GREB1L: variants seen among roughly 807,000 people sequenced by gnomAD.
The protein encoded by GREB1L is GREB1 like retinoic acid receptor coactivator, also known as GREB1-like protein.
Under a neutral mutation model 200.8 loss-of-function variants are expected in GREB1L, and 17 were observed. The observed-to-expected ratio is 0.08, with a 90% CI of 0.06 to 0.13. The LOEUF (loss-of-function observed/expected upper bound fraction) is 0.13, where lower values mean the gene tolerates loss of function less well. GREB1L is among the 10% of genes least tolerant of loss of function. The pLI is 1.00. For synonymous variants in GREB1L, 789 were observed against 893.0 expected (o/e 0.88, Z 2.08); for missense variants, 1,657 against 2,367.7 (o/e 0.70, Z 6.23).
At chr18:21,310,858 G>C (rs1054808525) in intron 1 of GREB1L, among the ~76,000 whole-genome samples, 1 of 152,226 alleles carries the variant, frequency 6.6e-6, no homozygotes, top group Non-Finnish European at 1.5e-5. Context: ...ACATGAATAA[G>C]AGTTAAACAT....
intron 1 of GREB1L, among the ~76,000 whole-genome samples, chr18:21,287,576 A>T (rs187096033): frequency 5.3e-4 from 81 of 152,232 alleles, no homozygotes; most frequent in African/African-American, 1.9e-3. Context: ...GGAGCCTAGT[A>T]TTTTATGACT....
intron 14 of GREB1L, among the ~76,000 whole-genome samples, chr18:21,454,085 A>G (rs2034646438): frequency 6.6e-6 from 1 of 152,096 alleles, no homozygotes; most frequent in African/African-American, 2.4e-5. Context: ...CTGGGTTGGG[A>G]TAGGGGTGTT....
intron 15 of GREB1L, among the ~76,000 whole-genome samples, chr18:21,463,100 A>G (rs7236886): frequency 2.6e-3 from 381 of 146,134 alleles, no homozygotes; most frequent in African/African-American, 9.1e-3. Flanking sequence ...TGTATATCAT[A>G]GGAGAGAGCC....
Position 21,496,634 on chromosome 18 carries a change from C to T in GREB1L, c.3327C>T (p.Ser1109=), listed in dbSNP as rs770861167. The change falls in exon 21 of 33, where the codon TCC becomes TCT. Residue 1109 remains serine (S), a synonymous_variant. Coordinates refer to ENST00000424526, the MANE Select transcript of GREB1L (RefSeq NM_001142966.3). ...GAGCTGCTGTCAGTGAGAATGACTCCGATGAGCTGCTCATCGACCTGGAGC... is the reference window on the plus strand; with the variant it reads ...GAGCTGCTGTCAGTGAGAATGACTCTGATGAGCTGCTCATCGACCTGGAGC... ...QERAAVSEND[S]DELLIDLERP... is the part of the protein sequence containing the mutation. 22 of 1,551,514 alleles carry T rather than the reference C, an allele frequency of 1.4e-5. No homozygotes were observed. Among genetic ancestry groups the T allele is most frequent in the South Asian group, 1.2e-4 (10 of 84,052 alleles).
chr18:21,494,892 ATATGT>A (rs2036487355), intron 19 of GREB1L, among the ~76,000 whole-genome samples: 2 of 152,196 alleles, frequency 1.3e-5, no homozygotes, highest in Non-Finnish European at 2.9e-5. Flanking sequence ...CTTTTCATTG[ATATGT>A]TTATGTTTTC....
rs1369288270 is a variant in GREB1L, at chr18:21,372,510, G to GT, written c.-10+6380dup. Among the ~76,000 whole-genome samples, 6 of 151,902 alleles carry GT rather than the reference G, an allele frequency of 3.9e-5. No homozygotes were observed. In the South Asian group the frequency reaches 1.0e-3, roughly 26 times the overall value. On this transcript the variant is annotated intron_variant, in intron 2 of 32. Transcript: ENST00000424526. ...TTTTTTTTGCAATTTTTTTTGTTTT[G>GT]TTTTTTAGCTCATCAGCTGTCGATA... is the stretch of plus-strand genomic sequence containing the variant.
In GREB1L at chr18:21,252,557, GA is replaced by G. The variant is rs144115588; in HGVS notation, c.-120+10183del. Among the ~76,000 whole-genome samples, 493 of 77,434 alleles carry G rather than the reference GA, an allele frequency of 6.4e-3. 4 individuals carry two copies. In the East Asian group the frequency reaches 0.098, roughly 15 times the overall value. 50.8% of individuals were successfully genotyped at this position (77,434 alleles called of 152,430 possible). On this transcript the variant is annotated intron_variant, in intron 1 of 32. Coordinates refer to ENST00000424526, the MANE Select transcript of GREB1L (RefSeq NM_001142966.3). ...GGGCAACAAGAGTGAAACTCCATCTGAAAAAAAAAAAAAAAAAAAGTTAAAA... is the reference window on the plus strand; with the variant it reads ...GGGCAACAAGAGTGAAACTCCATCTGAAAAAAAAAAAAAAAAAAGTTAAAA...
chr18:21,445,072 G>A (rs1470295699), intron 11 of GREB1L, among the ~76,000 whole-genome samples: 2 of 152,360 alleles, frequency 1.3e-5, no homozygotes, highest in African/African-American at 2.4e-5. Context: ...CAATACTAGA[G>A]TGGCTTAGCA....
chr18:21,462,545 G>A (rs773250509), intron 15 of GREB1L, among the ~76,000 whole-genome samples: 1 of 152,190 alleles, frequency 6.6e-6, no homozygotes, highest in Admixed American at 6.5e-5. Context: ...CGCTTCCCAG[G>A]TTCAAGTGAT....
At chr18:21,329,011 G>A (rs1397718318) in intron 1 of GREB1L, among the ~76,000 whole-genome samples, 1 of 152,080 alleles carries the variant, frequency 6.6e-6, no homozygotes, top group African/African-American at 2.4e-5. Context: ...ACTGCTGTAA[G>A]CACAATTAGA....
intron 1 of GREB1L, among the ~76,000 whole-genome samples, chr18:21,279,236 T>A (rs1567919762): frequency 1.3e-5 from 2 of 152,256 alleles, no homozygotes; most frequent in South Asian, 4.1e-4. Flanking sequence ...ATTTTCATAA[T>A]TGTAATTATA....
At chr18:21,427,301 C>G (rs1598814365) in intron 7 of GREB1L, among the ~76,000 whole-genome samples, 3 of 151,618 alleles carry the variant, frequency 2.0e-5, no homozygotes, top group Admixed American at 2.0e-4. Context: ...CTCAGGAGTT[C>G]AAGAGCAGCC....
intron 14 of GREB1L, among the ~76,000 whole-genome samples, chr18:21,454,026 G>T (rs1397598474): frequency 6.6e-6 from 1 of 152,180 alleles, no homozygotes; most frequent in Admixed American, 6.5e-5. Context: ...CCCTTTCCAG[G>T]GATGAGTCTT....
chr18:21,346,501 C>G (rs1190073194), intron 1 of GREB1L, among the ~76,000 whole-genome samples: 1 of 152,000 alleles, frequency 6.6e-6, no homozygotes, highest in Admixed American at 6.6e-5. Flanking sequence ...CATGCCCTCT[C>G]TCACACTTGG....
At chr18:21,273,229 A>G (rs1237548265) in intron 1 of GREB1L, among the ~76,000 whole-genome samples, 3 of 152,180 alleles carry the variant, frequency 2.0e-5, no homozygotes, top group Non-Finnish European at 4.4e-5. Context: ...CTCCATCTCA[A>G]AAAAAACAAA....
intron 17 of GREB1L, among the ~76,000 whole-genome samples, chr18:21,480,140 C>T (rs2035863169): frequency 6.6e-6 from 1 of 152,152 alleles, no homozygotes; most frequent in African/African-American, 2.4e-5. Context: ...CACTTGAGGT[C>T]GGGAGTTCGA....
intron 7 of GREB1L, among the ~76,000 whole-genome samples, chr18:21,414,727 A>G (rs2031452516): frequency 6.6e-6 from 1 of 152,192 alleles, no homozygotes; most frequent in African/African-American, 2.4e-5. Context: ...TCGGGGTAGT[A>G]GGAACAGGAA....
At chr18:21,445,262 G>A (rs539850076) in intron 11 of GREB1L, among the ~76,000 whole-genome samples, 1 of 152,348 alleles carries the variant, frequency 6.6e-6, no homozygotes, top group East Asian at 1.9e-4. Flanking sequence ...ATCACCTGAG[G>A]TGGGGAGTTC....
chr18:21,467,345 C>T (rs959157086), intron 15 of GREB1L, among the ~76,000 whole-genome samples: 3 of 152,180 alleles, frequency 2.0e-5, no homozygotes, highest in African/African-American at 7.2e-5. Flanking sequence ...AATCATTTAT[C>T]TGATACAGGA....
Sources: allele counts gnomAD v4.1 joint callset (sites outside exome capture counted in the v4.1 genomes callset), GRCh38; gene constraint gnomAD v4.1.1; transcripts MANE v1.5; gene names NCBI Gene and HGNC (gene_info 2026-07-23, HGNC 2026-07-21).